The following KSR2 variants were observed in gnomAD, a reference collection of about 807,000 sequenced individuals.
The protein encoded by KSR2 is kinase suppressor of ras 2.
KSR2 carries 25 observed loss-of-function variants against 107.8 expected under a neutral mutation model. The ratio of observed to expected loss-of-function variants is 0.23; its 90% CI spans 0.17 to 0.32. The LOEUF is 0.32. Among genes scored for constraint, KSR2 ranks in the 10% least tolerant of loss-of-function variants. The pLI is 1.00. For synonymous variants in KSR2, 480 were observed against 507.0 expected (o/e 0.95, Z 0.71); for missense variants, 887 against 1,268.9 (o/e 0.70, Z 4.57).
intron 1 of KSR2, among the ~76,000 whole-genome samples, chr12:117,866,346 CTCTT>C (rs1283522244): frequency 6.6e-6 from 1 of 152,198 alleles, no homozygotes; most frequent in Non-Finnish European, 1.5e-5. Flanking sequence ...GGCCACTGCT[CTCTT>C]TATAACGGAG....
intron 1 of KSR2, among the ~76,000 whole-genome samples, chr12:117,877,272 G>A (rs753087973): frequency 1.3e-5 from 2 of 152,096 alleles, no homozygotes; most frequent in Non-Finnish European, 2.9e-5. Flanking sequence ...GGGAAGTGGA[G>A]GTTGCAGTGA....
chr12:117,888,544 G>C (rs1036676874), intron 1 of KSR2, among the ~76,000 whole-genome samples: 2 of 152,136 alleles, frequency 1.3e-5, no homozygotes, highest in Non-Finnish European at 2.9e-5. Flanking sequence ...ATGAAGACCT[G>C]AGGGTGAAGC....
intron 14 of KSR2, among the ~76,000 whole-genome samples, chr12:117,515,970 T>C (rs911250250): frequency 2.0e-5 from 3 of 152,118 alleles, no homozygotes; most frequent in African/African-American, 7.2e-5. Context: ...GAGACAGAGA[T>C]GGGAGAAGCT....
In KSR2 at chr12:117,668,813, A is replaced by G. The variant is rs151326499; in HGVS notation, c.987-1155T>C. On this transcript the variant is annotated intron_variant, in intron 4 of 19. Transcript: ENST00000339824. ...GCAGCTGAAACCAAGCAGAAGCTTCAGGAAAGTTTGGTTCTCCTCTTGGGG... is the reference window on the plus strand; with the variant it reads ...GCAGCTGAAACCAAGCAGAAGCTTCGGGAAAGTTTGGTTCTCCTCTTGGGG... Among the ~76,000 whole-genome samples, 9 of 152,312 alleles carry G rather than the reference A, an allele frequency of 5.9e-5. No homozygotes were observed. In the East Asian group the frequency reaches 1.2e-3, roughly 20 times the overall value.
chr12:117,934,745 A>G (rs2137510135), intron 1 of KSR2, among the ~76,000 whole-genome samples: 1 of 152,336 alleles, frequency 6.6e-6, no homozygotes, highest in South Asian at 2.1e-4. Flanking sequence ...TGTTCACTCT[A>G]AGTTCTAAAT....
chr12:117,752,319 G>A (rs545620918), intron 4 of KSR2, among the ~76,000 whole-genome samples: 2 of 152,096 alleles, frequency 1.3e-5, no homozygotes, highest in African/African-American at 2.4e-5. Flanking sequence ...TGAACACAGC[G>A]ACATGTACCA....
chr12:117,721,883 A>G (rs1207248296), intron 4 of KSR2, among the ~76,000 whole-genome samples: 2 of 152,182 alleles, frequency 1.3e-5, no homozygotes, highest in Non-Finnish European at 2.9e-5. Flanking sequence ...TGGGGGATCT[A>G]TTAGTTAGAC....
intron 4 of KSR2, among the ~76,000 whole-genome samples, chr12:117,748,093 T>C (rs1040799976): frequency 1.3e-5 from 2 of 152,234 alleles, no homozygotes; most frequent in Non-Finnish European, 2.9e-5. Context: ...AAATGTGGTA[T>C]ATATATGCAC....
At chr12:117,572,699 TAAAAAAAAA>T (rs35907962) in intron 7 of KSR2, among the ~76,000 whole-genome samples, 7 of 123,694 alleles carry the variant, frequency 5.7e-5, no homozygotes. Context: ...TCCAGCCCAT[TAAAAAAAAA>T]AAAAAAAAGA....
intron 1 of KSR2, among the ~76,000 whole-genome samples, chr12:117,949,718 GGT>G (rs1163045417): frequency 6.6e-6 from 1 of 152,084 alleles, no homozygotes; most frequent in African/African-American, 2.4e-5. Context: ...ATTCATCTAT[GGT>G]GGAAAAAGAA....
At chr12:117,701,856 G>A (rs1334312611) in intron 4 of KSR2, among the ~76,000 whole-genome samples, 1 of 152,206 alleles carries the variant, frequency 6.6e-6, no homozygotes, top group East Asian at 1.9e-4. Context: ...CTCCCCTAGA[G>A]CCTTCGGAAG....
At chr12:117,511,847 C>T (rs1006244433) in intron 14 of KSR2, among the ~76,000 whole-genome samples, 2 of 152,188 alleles carry the variant, frequency 1.3e-5, no homozygotes, top group African/African-American at 4.8e-5. Context: ...GACATGTCTC[C>T]TGGAAGTCAA....
At chr12:117,960,054 A>T (rs1046427319) in intron 1 of KSR2, among the ~76,000 whole-genome samples, 1 of 151,696 alleles carries the variant, frequency 6.6e-6, no homozygotes, top group African/African-American at 2.4e-5. Context: ...CTCTCCAACC[A>T]CAGTGGACTC....
chr12:117,667,694 T>G, intron 4 of KSR2, 36 bp from the exon 5 acceptor site: 1 of 1,503,294 alleles, frequency 6.7e-7, no homozygotes, highest in South Asian at 1.4e-5. Flanking sequence ...AAAGGAAATA[T>G]ATCCATAGGT....
chr12:117,540,680 G>A (rs1188361771), intron 9 of KSR2, among the ~76,000 whole-genome samples: 1 of 152,106 alleles, frequency 6.6e-6, no homozygotes, highest in East Asian at 1.9e-4. Flanking sequence ...GGAGAGGAAA[G>A]TCATGTGAAG....
chr12:117,818,249 T>A (rs1891442703), intron 3 of KSR2, among the ~76,000 whole-genome samples: 1 of 152,168 alleles, frequency 6.6e-6, no homozygotes, highest in African/African-American at 2.4e-5. Context: ...TTGGAAGATT[T>A]CCTACCCCAC....
intron 14 of KSR2, among the ~76,000 whole-genome samples, chr12:117,510,736 G>A (rs879285691): frequency 2.0e-5 from 3 of 152,110 alleles, no homozygotes; most frequent in Non-Finnish European, 4.4e-5. Context: ...AAATTAGCCA[G>A]GCATGGTGGC....
chr12:117,872,089 A>G (rs1893672715), intron 1 of KSR2, among the ~76,000 whole-genome samples: 1 of 152,240 alleles, frequency 6.6e-6, no homozygotes, highest in African/African-American at 2.4e-5. Flanking sequence ...TATGACAGGC[A>G]TTAAATAAAT....
intron 1 of KSR2, among the ~76,000 whole-genome samples, chr12:117,935,977 T>A (rs997563488): frequency 2.0e-5 from 3 of 152,198 alleles, no homozygotes; most frequent in African/African-American, 7.2e-5. Context: ...CTCTGCTTTT[T>A]TCTTTTTTCC....
Sources: gnomAD v4.1 joint callset for allele counts (sites outside exome capture counted in the v4.1 genomes callset) on GRCh38, gnomAD v4.1.1 for gene constraint, MANE v1.5 for transcripts, NCBI Gene and HGNC (gene_info 2026-07-23, HGNC 2026-07-21) for gene names.